The following OAS3 variants were observed in gnomAD, a reference collection of about 807,000 sequenced individuals.
OAS3 encodes the protein 2'-5'-oligoadenylate synthase 3.
A neutral mutation model predicts 113.0 loss-of-function variants in OAS3; 107 were observed. The observed-to-expected ratio is 0.95, with a 90% CI of 0.81 to 1.11. The LOEUF is 1.11. OAS3 is among the 50% of genes most tolerant of loss of function. OAS3 has a pLI of 0.00. For synonymous variants in OAS3, 552 were observed against 573.6 expected, an observed-to-expected ratio of 0.96 and a Z score of 0.54; for missense variants, 1,258 against 1,389.1, an observed-to-expected ratio of 0.91 and a Z score of 1.50.
Position 112,950,819 on chromosome 12 carries a change from C to T in OAS3, c.1501C>T (p.Arg501Ter), listed in dbSNP as rs1299900361. ...PRRAEILDEMRAQLESWWQDQ... is the reference protein window; with the variant it reads ...PRRAEILDEM ...CCGCGCAGAGATCCTTGATGAGATGCGAGCGCAGCTAGAATCCTGGTGGCA... is the reference window on the plus strand; with the variant it reads ...CCGCGCAGAGATCCTTGATGAGATGTGAGCGCAGCTAGAATCCTGGTGGCA... The change falls in exon 7 of 16, where the codon CGA (arginine) becomes TGA (stop). Residue 501 changes from arginine (R) to a stop codon, truncating the protein, a stop_gained. Coordinates refer to ENST00000228928, the MANE Select transcript of OAS3 (RefSeq NM_006187.4). LOFTEE classifies it high-confidence loss of function. The T allele has an allele frequency of 6.4e-5, 103 of 1,613,888 alleles. No individual in the cohort carries two copies. The highest frequency in any genetic ancestry group is 8.4e-5 in the Non-Finnish European group (99 of 1,179,898).
At position 112,958,723 on chromosome 12, in the gene OAS3, C is replaced by T. The variant is rs551083882; in HGVS notation, c.1658-2348C>T. Reference sequence around the variant, plus strand: ...CTTTGGAAGCTTCGTCTCAGAGGGGCACCCAGCCATATGAGGTGTCAGTCG... The same window carrying T: ...CTTTGGAAGCTTCGTCTCAGAGGGGTACCCAGCCATATGAGGTGTCAGTCG... On this transcript the variant is annotated intron_variant, in intron 7 of 15. Coordinates refer to ENST00000228928, the MANE Select transcript of OAS3 (RefSeq NM_006187.4). 4.8e-4 allele frequency among the ~76,000 whole-genome samples: 73 copies of T among 152,364 alleles called. 1 individual carries two copies. Among genetic ancestry groups the T allele is most frequent in the Non-Finnish European group, 8.1e-4 (55 of 68,038 alleles).
At chr12:112,952,664 T>TTTCTCTGATGGCC (rs2043802539) in intron 7 of OAS3, among the ~76,000 whole-genome samples, 1 of 152,246 alleles carries the variant, frequency 6.6e-6, no homozygotes, top group Non-Finnish European at 1.5e-5. Flanking sequence ...ATACATCTTT[T>TTTCTCTGATGGCC]AGTACTTTTT....
chr12:112,960,046 A>G (rs1565979859), intron 7 of OAS3, among the ~76,000 whole-genome samples: 1 of 151,944 alleles, frequency 6.6e-6, no homozygotes, highest in Non-Finnish European at 1.5e-5. Flanking sequence ...ATTTCCTCAT[A>G]TAGTTTGTAA....
Position 112,967,972 on chromosome 12 carries a change from C to G in OAS3, c.2902C>G (p.Pro968Ala). ...CTCCAAGGGGAGAGGCTCCCTACCC[C>G]CACAGCACGGGCTGGAACTCCTGAC... The part of the protein sequence containing the change: ...KISKGRGSLP[P>A]QHGLELLTVY... The change falls in exon 14 of 16, where the codon CCA (proline) becomes GCA (alanine). Residue 968 changes from proline (P) to alanine (A), a missense_variant. Pro to Ala is a conservative substitution (Grantham distance 27). Transcript: ENST00000228928. The G allele has an allele frequency of 6.2e-7, 1 of 1,614,008 alleles. No individual in the cohort carries two copies.
Position 112,965,724 on chromosome 12 carries a change from A to T in OAS3, c.2404-20A>T, listed in dbSNP as rs959906946. On this transcript the variant is annotated intron_variant, in intron 11 of 15. Coordinates refer to ENST00000228928, the MANE Select transcript of OAS3 (RefSeq NM_006187.4). ...TAAGCCATGCTTCAAGGGTTGAGCC[A>T]CCTGCCATGTCCTCTCCAGGGTGGC... The T allele has an allele frequency of 6.3e-7, 1 of 1,593,876 alleles. No homozygotes were observed. Among genetic ancestry groups the T allele is most frequent in the East Asian group, 2.2e-5 (1 of 44,462 alleles).
In OAS3 at chr12:112,963,510, A is replaced by G; in HGVS notation, c.2229+53A>G. Reference sequence around the variant, plus strand: ...GGGCCCTGCACCCTGCCTTCTAGTCAGGTTCCCTTAACCTGCCGGTGCACC... The same window carrying G: ...GGGCCCTGCACCCTGCCTTCTAGTCGGGTTCCCTTAACCTGCCGGTGCACC... On this transcript the variant is annotated intron_variant, in intron 10 of 15. Coordinates refer to ENST00000228928, the MANE Select transcript of OAS3 (RefSeq NM_006187.4). This position sits in a 1 kb window ranked among gnomAD's most constrained non-coding sequence, Gnocchi z 4.6. 2.8e-6 allele frequency: 4 copies of G among 1,417,438 alleles called. No individual in the cohort carries two copies. Among genetic ancestry groups the G allele is most frequent in the Admixed American group, 3.0e-5 (1 of 33,710 alleles). 87.8% of individuals were successfully genotyped at this position (1,417,438 alleles called of 1,614,324 possible). A position where few individuals can be genotyped will look rare whatever the true frequency, so the allele number is the denominator to read the frequency against.
At chr12:112,960,637 G>T (rs2043874085) in intron 7 of OAS3, among the ~76,000 whole-genome samples, 1 of 152,134 alleles carries the variant, frequency 6.6e-6, no homozygotes, top group Admixed American at 6.5e-5. Context: ...AAGGATAGGT[G>T]CTATTTATGA....
chr12:112,958,859 C>T lies in OAS3; in HGVS notation c.1658-2212C>T, dbSNP rs574376255. Among the ~76,000 whole-genome samples, 188 of 152,382 alleles carry T rather than the reference C, an allele frequency of 1.2e-3. 2 individuals carry two copies. The highest frequency in any genetic ancestry group is 2.9e-3 in the Admixed American group (44 of 15,306). On this transcript the variant is annotated intron_variant, in intron 7 of 15. Transcript: ENST00000228928. ...AAACTCCATGCTGGGAGAACCACTA[C>T]TCTCTTCAAAGCTGTCAGACAGGGA...
intron 3 of OAS3, among the ~76,000 whole-genome samples, chr12:112,946,483 C>T (rs1418396946): frequency 7.2e-5 from 11 of 152,176 alleles, no homozygotes; most frequent in Non-Finnish European, 1.3e-4. Flanking sequence ...CCCTTGGCTT[C>T]TCTCTGACTG....
At chr12:112,943,432 G>A (rs1417075891) in intron 2 of OAS3, among the ~76,000 whole-genome samples, 2 of 152,136 alleles carry the variant, frequency 1.3e-5, no homozygotes, top group African/African-American at 4.8e-5. Context: ...GCAGGCAAGC[G>A]GTAGCAGCAA....
chr12:112,963,440 C>A lies in OAS3; in HGVS notation c.2212C>A (p.Gln738Lys). 1.3e-6 allele frequency: 2 copies of A among 1,549,502 alleles called. No individual in the cohort carries two copies. The highest frequency in any genetic ancestry group is 1.7e-6 in the Non-Finnish European group (2 of 1,145,706). The change falls in exon 10 of 16, where the codon CAG (glutamine) becomes AAG (lysine). Residue 738 changes from glutamine to lysine, a missense_variant. Transcript: ENST00000228928. The surrounding 1 kb of genome is among the most constrained non-coding windows in gnomAD (Gnocchi z 4.6). ...TCTGAGTAGAGACGGGACATCTGTG[C>A]AGCCCTGGGATGTGATGGTAAGATG... ...CFLSRDGTSV[Q>K]PWDVMPALLY... is the part of the protein sequence containing the mutation.
At chr12:112,956,469 C>T (rs2043837243) in intron 7 of OAS3, among the ~76,000 whole-genome samples, 1 of 152,182 alleles carries the variant, frequency 6.6e-6, no homozygotes, top group South Asian at 2.1e-4. Flanking sequence ...CTCCTGTGGT[C>T]ATTTAATGCT....
At chr12:112,961,346 T>G in intron 8 of OAS3, 100 bp downstream of exon 8, 1 of 1,094,542 alleles carries the variant, frequency 9.1e-7, no homozygotes, top group East Asian at 2.6e-5. Context: ...CTCCTTTGCT[T>G]CTTATTGGTC....
chr12:112,946,303 G>T (rs1190108965), intron 3 of OAS3, among the ~76,000 whole-genome samples: 1 of 152,122 alleles, frequency 6.6e-6, no homozygotes, highest in Non-Finnish European at 1.5e-5. Flanking sequence ...ATTTTGGGAT[G>T]GGGGATAGAC....
intron 7 of OAS3, among the ~76,000 whole-genome samples, chr12:112,951,409 C>T (rs1431432058): frequency 6.6e-6 from 1 of 152,032 alleles, no homozygotes; most frequent in African/African-American, 2.4e-5. Context: ...ATTAAAGCTA[C>T]CCATTTCCCT....
At chr12:112,949,910 GCAGGAGGCTGAGGCAGGAAA>G (rs1318460432) in intron 6 of OAS3, among the ~76,000 whole-genome samples, 3 of 152,152 alleles carry the variant, frequency 2.0e-5, no homozygotes, top group African/African-American at 7.2e-5. Flanking sequence ...TCCCAGCTAT[GCAGGAGGCTGAGGCAGGAAA>G]ATCGCTTGAA....
intron 7 of OAS3, among the ~76,000 whole-genome samples, chr12:112,952,003 C>T (rs2043797743): frequency 6.6e-6 from 1 of 152,134 alleles, no homozygotes; most frequent in Non-Finnish European, 1.5e-5. Context: ...CAGAGTGAGA[C>T]TCTATCTCAT....
rs910754415 is a variant in OAS3, at chr12:112,972,564, A to C, written c.*2591A>C. 1 of 152,250 alleles carries C rather than the reference A, an allele frequency of 6.6e-6. No homozygotes were observed. The highest frequency in any genetic ancestry group is 1.5e-5 in the Non-Finnish European group (1 of 68,050). 9.4% of individuals were successfully genotyped at this position (152,250 alleles called of 1,614,324 possible). On this transcript the variant is annotated 3_prime_UTR_variant, in exon 16 of 16. Coordinates refer to ENST00000228928, the MANE Select transcript of OAS3 (RefSeq NM_006187.4). ...AAATACACACGCAATAGCTAGGAAAACACAGGGAAAGAAGAGTTCTGAGCA... is the reference window on the plus strand; with the variant it reads ...AAATACACACGCAATAGCTAGGAAACCACAGGGAAAGAAGAGTTCTGAGCA...
intron 5 of OAS3, 36 bp from the exon 6 acceptor site, chr12:112,948,825 C>A: frequency 6.7e-7 from 1 of 1,487,004 alleles, no homozygotes; most frequent in South Asian, 1.3e-5. Context: ...GAAACCACTG[C>A]GCCTGGCTGA....
Sources: gnomAD v4.1 joint callset for allele counts (sites outside exome capture counted in the v4.1 genomes callset) on GRCh38, gnomAD v4.1.1 for gene constraint, Gnocchi (gnomAD v3.1) non-coding constraint, MANE v1.5 for transcripts, NCBI Gene and HGNC (gene_info 2026-07-23, HGNC 2026-07-21) for gene names.